LRRC7: variants seen among roughly 807,000 people sequenced by gnomAD.
LRRC7 encodes leucine rich repeat containing 7, also known as leucine-rich repeat-containing protein 7.
A neutral mutation model predicts 175.7 loss-of-function variants in LRRC7; 23 were observed. That is an observed-to-expected ratio of 0.13 (90% CI 0.09 to 0.19). LRRC7 has a LOEUF of 0.19. LRRC7 is among the 10% of genes least tolerant of loss of function. LRRC7 has a pLI of 1.00. For missense variants in LRRC7, 1,354 were observed against 1,904.7 expected (o/e 0.71, Z 5.38); for synonymous variants, 685 against 680.9 (o/e 1.01, Z -0.09).
intron 11 of LRRC7, among the ~76,000 whole-genome samples, chr1:70,005,259 C>A (rs1655901139): frequency 6.6e-6 from 1 of 152,088 alleles, no homozygotes; most frequent in Non-Finnish European, 1.5e-5. Context: ...TCAATATTTT[C>A]CACTGAATTA....
intron 8 of LRRC7, among the ~76,000 whole-genome samples, chr1:69,946,699 A>C (rs1266924143): frequency 2.1e-5 from 3 of 146,210 alleles, no homozygotes; most frequent in African/African-American, 7.4e-5. Flanking sequence ...TGTCCGATAT[A>C]AATATTACCA....
intron 8 of LRRC7, among the ~76,000 whole-genome samples, chr1:69,939,031 C>CTATATATA (rs1245921796): frequency 5.1e-5 from 3 of 58,256 alleles, no homozygotes; most frequent in African/African-American, 1.6e-4. Context: ...ATATATATAT[C>CTATATATA]TATATATATC....
Position 70,138,365 on chromosome 1 carries a change from T to TA in LRRC7, c.*16481dup, listed in dbSNP as rs1666946704. On this transcript the variant is annotated 3_prime_UTR_variant, in exon 27 of 27. Coordinates refer to ENST00000651989, the MANE Select transcript of LRRC7 (RefSeq NM_001370785.2). ...CACCTTTTAAAAAAGATCAGTTCTG[T>TA]AAAGCATAATGCCTACTACACAGAC... 1 of 152,198 alleles carries TA rather than the reference T, an allele frequency of 6.6e-6. No individual in the cohort carries two copies. The highest frequency in any genetic ancestry group is 1.5e-5 in the Non-Finnish European group (1 of 68,024). The allele number at this position is 152,198 out of a possible 1,614,324, so 9.4% of individuals were successfully genotyped here.
intron 7 of LRRC7, among the ~76,000 whole-genome samples, chr1:69,883,155 T>A (rs1312839795): frequency 6.6e-6 from 1 of 151,892 alleles, no homozygotes; most frequent in African/African-American, 2.4e-5. Context: ...GGTCAAATGG[T>A]ATTTCTAATT....
rs530701953 is a variant in LRRC7, at chr1:69,716,326, A to C, written c.100+37848A>C. 10 of 406,242 alleles carry C rather than the reference A, an allele frequency of 2.5e-5. No individual in the cohort carries two copies. In the South Asian group the frequency reaches 3.8e-4, roughly 15 times the overall value. 25.2% of individuals were successfully genotyped at this position (406,242 alleles called of 1,614,324 possible). A position where few individuals can be genotyped will look rare whatever the true frequency, so the allele number is the denominator to read the frequency against. On this transcript the variant is annotated intron_variant, in intron 2 of 26. Transcript: ENST00000651989. ...GTCTTGTAATTTTAAATTTATACTT[A>C]GCAGTTTTCATGTTAACCTATATCA...
chr1:69,801,270 G>A (rs1399961204), intron 4 of LRRC7, among the ~76,000 whole-genome samples: 1 of 151,640 alleles, frequency 6.6e-6, no homozygotes, highest in Non-Finnish European at 1.5e-5. Context: ...CAAGTTTTTG[G>A]AACTGTTTCA....
At chr1:69,696,875 G>C (rs1427540698) in intron 2 of LRRC7, among the ~76,000 whole-genome samples, 1 of 152,140 alleles carries the variant, frequency 6.6e-6, no homozygotes, top group African/African-American at 2.4e-5. Flanking sequence ...CACACTTCTT[G>C]TACAGCCCAC....
At chr1:70,085,856 G>A (rs2102156964) in intron 24 of LRRC7, among the ~76,000 whole-genome samples, 1 of 152,160 alleles carries the variant, frequency 6.6e-6, no homozygotes, top group Middle Eastern at 3.4e-3. Context: ...TTGAGGTCAA[G>A]GATATTTTTA....
intron 2 of LRRC7, among the ~76,000 whole-genome samples, chr1:69,686,605 A>G (rs1197939528): frequency 1.3e-5 from 2 of 152,196 alleles, no homozygotes; most frequent in African/African-American, 2.4e-5. Context: ...AATACACTCA[A>G]AAACATTATA....
chr1:70,107,907 T>A, intron 26 of LRRC7, 81 bp downstream of exon 26: 2 of 1,233,162 alleles, frequency 1.6e-6, no homozygotes, highest in Non-Finnish European at 1.2e-6. Context: ...ATGATTTGAA[T>A]TAAATGATTG....
chr1:69,827,383 C>T (rs1356295188), intron 5 of LRRC7, among the ~76,000 whole-genome samples: 1 of 151,994 alleles, frequency 6.6e-6, no homozygotes, highest in Non-Finnish European at 1.5e-5. Flanking sequence ...ATGTCTAATT[C>T]CCTTCATATG....
At chr1:69,634,002 A>C (rs979797462) in intron 1 of LRRC7, among the ~76,000 whole-genome samples, 1 of 152,070 alleles carries the variant, frequency 6.6e-6, no homozygotes, top group African/African-American at 2.4e-5. Flanking sequence ...TTTCTGATCC[A>C]GTCTGAGTCT....
At chr1:69,905,692 A>T (rs1646283058) in intron 7 of LRRC7, among the ~76,000 whole-genome samples, 1 of 152,108 alleles carries the variant, frequency 6.6e-6, no homozygotes, top group African/African-American at 2.4e-5. Context: ...AGTCTTTGCT[A>T]TTGTGAATAG....
intron 1 of LRRC7, among the ~76,000 whole-genome samples, chr1:69,595,012 A>G (rs77668180): frequency 6.7e-6 from 1 of 148,188 alleles, no homozygotes; most frequent in South Asian, 2.1e-4. Context: ...AAAAATGATC[A>G]TTTTTTTTTT....
In LRRC7 at chr1:70,008,020, G is replaced by GAT. The variant is rs145629905; in HGVS notation, c.1005-3764_1005-3763dup. ...TCTTAGGGGAATAGAACTAATCAGAGATATATATATATATGAGCTTATTAA... is the reference window on the plus strand; with the variant it reads ...TCTTAGGGGAATAGAACTAATCAGAGATATATATATATATATGAGCTTATTAA... On this transcript the variant is annotated intron_variant, in intron 11 of 26. Coordinates refer to ENST00000651989, the MANE Select transcript of LRRC7 (RefSeq NM_001370785.2). Among the ~76,000 whole-genome samples, 1,693 of 151,258 alleles carry GAT rather than the reference G, an allele frequency of 0.011. 70 individuals carry two copies. The East Asian group carries it at 0.16, about 15-fold the overall frequency.
intron 7 of LRRC7, among the ~76,000 whole-genome samples, chr1:69,913,116 C>A (rs930775980): frequency 3.9e-5 from 6 of 152,048 alleles, no homozygotes; most frequent in African/African-American, 1.4e-4. Flanking sequence ...CAGCTTAATG[C>A]AAATTATATA....
intron 7 of LRRC7, among the ~76,000 whole-genome samples, chr1:69,859,820 C>A (rs1364497768): frequency 1.3e-5 from 2 of 151,852 alleles, no homozygotes; most frequent in African/African-American, 4.8e-5. Flanking sequence ...CATTTTAAAA[C>A]CAACAAGAAA....
intron 7 of LRRC7, among the ~76,000 whole-genome samples, chr1:69,930,399 A>G (rs1296442812): frequency 7.9e-5 from 12 of 152,232 alleles, no homozygotes; most frequent in Non-Finnish European, 2.9e-5. Context: ...TAAATGTGAT[A>G]AAACTAAAAT....
At chr1:69,824,439 A>T (rs1482576682) in intron 4 of LRRC7, among the ~76,000 whole-genome samples, 1 of 152,154 alleles carries the variant, frequency 6.6e-6, no homozygotes, top group East Asian at 1.9e-4. Context: ...AAATTCATAC[A>T]CAATGGAGCT....
Sources: gnomAD v4.1 joint callset for allele counts (sites outside exome capture counted in the v4.1 genomes callset) on GRCh38, gnomAD v4.1.1 for gene constraint, MANE v1.5 for transcripts, NCBI Gene and HGNC (gene_info 2026-07-23, HGNC 2026-07-21) for gene names.